Variants in PARD3B observed in about 807,000 individuals in gnomAD.
PARD3B encodes the protein par-3 family cell polarity regulator beta, also known as partitioning defective 3 homolog B.
A neutral mutation model predicts 130.2 loss-of-function variants in PARD3B; 103 were observed. The ratio of observed to expected loss-of-function variants is 0.79; its 90% confidence interval spans 0.67 to 0.93. PARD3B has a LOEUF of 0.93. Ranked by LOEUF, PARD3B falls within the 40% of genes least tolerant of loss-of-function variation. The pLI, the probability that PARD3B is intolerant of heterozygous loss-of-function variation, is 0.00. For missense variants in PARD3B, 1,609 were observed against 1,499.2 expected (o/e 1.07, Z -1.21); for synonymous variants, 583 against 553.2 (o/e 1.05, Z -0.76).
chr2:204,930,686 G>T (rs1351933368), intron 2 of PARD3B, among the ~76,000 whole-genome samples: 1 of 151,938 alleles, frequency 6.6e-6, no homozygotes, highest in Non-Finnish European at 1.5e-5. Context: ...TCTGCAACTT[G>T]TTTTGGGGCT....
chr2:205,063,659 G>A (rs1700188587), intron 4 of PARD3B, among the ~76,000 whole-genome samples: 1 of 152,084 alleles, frequency 6.6e-6, no homozygotes, highest in Admixed American at 6.6e-5. Context: ...CCCATGAGGT[G>A]GTCCCATTGA....
chr2:205,597,779 G>A (rs908251708), intron 22 of PARD3B, among the ~76,000 whole-genome samples: 1 of 152,180 alleles, frequency 6.6e-6, no homozygotes. Context: ...GCTAGTAGCG[G>A]ACTTTCAGCA....
intron 2 of PARD3B, among the ~76,000 whole-genome samples, chr2:204,924,994 C>T (rs559409661): frequency 6.0e-4 from 91 of 152,000 alleles, no homozygotes; most frequent in African/African-American, 2.2e-3. Context: ...TATGCATATA[C>T]ATGTATACAT....
intron 20 of PARD3B, among the ~76,000 whole-genome samples, chr2:205,496,310 G>A (rs2049923067): frequency 6.6e-6 from 1 of 152,022 alleles, no homozygotes; most frequent in South Asian, 2.1e-4. Context: ...ATCAGAAATT[G>A]GAATTTGCTG....
chr2:204,639,855 G>A (rs1259141007), intron 1 of PARD3B, among the ~76,000 whole-genome samples: 3 of 152,166 alleles, frequency 2.0e-5, no homozygotes, highest in Admixed American at 1.3e-4. Context: ...AAGGCTTGGT[G>A]ATGTATTCCC....
rs141670892 is a variant in PARD3B, at chr2:204,639,844, A to G, written c.121-46337A>G. Among the ~76,000 whole-genome samples, 463 of 152,302 alleles carry G rather than the reference A, an allele frequency of 3.0e-3. 2 individuals are homozygous for G. The highest frequency in any genetic ancestry group is 0.011 in the African/African-American group (447 of 41,566). On this transcript the variant is annotated intron_variant, in intron 1 of 22. Transcript: ENST00000406610. ...TATCAGATAAAGAAACCATTACTAGAAAGGCTTGGTGATGTATTCCCTGAG... is the reference window on the plus strand; with the variant it reads ...TATCAGATAAAGAAACCATTACTAGGAAGGCTTGGTGATGTATTCCCTGAG...
At chr2:205,451,391 A>G (rs1461652877) in intron 20 of PARD3B, among the ~76,000 whole-genome samples, 1 of 152,228 alleles carries the variant, frequency 6.6e-6, no homozygotes, top group African/African-American at 2.4e-5. Flanking sequence ...TCAACTTTCC[A>G]GTAAACAAAG....
intron 2 of PARD3B, among the ~76,000 whole-genome samples, chr2:204,859,923 C>A (rs1363277715): frequency 6.6e-6 from 1 of 152,064 alleles, no homozygotes; most frequent in Non-Finnish European, 1.5e-5. Flanking sequence ...ACTTTAAAGT[C>A]AAGAATTTTA....
At chr2:205,537,321 A>C (rs2051907537) in intron 21 of PARD3B, among the ~76,000 whole-genome samples, 1 of 152,230 alleles carries the variant, frequency 6.6e-6, no homozygotes, top group Admixed American at 6.5e-5. Flanking sequence ...CCAGAATTTC[A>C]ATTGCTTAGC....
At chr2:204,561,406 C>T (rs900061871) in intron 1 of PARD3B, among the ~76,000 whole-genome samples, 1 of 152,134 alleles carries the variant, frequency 6.6e-6, no homozygotes, top group Non-Finnish European at 1.5e-5. Context: ...CCAGTCCCCT[C>T]TGTGACCCAG....
At chr2:205,531,362 C>T (rs567690376) in intron 21 of PARD3B, among the ~76,000 whole-genome samples, 1 of 152,246 alleles carries the variant, frequency 6.6e-6, no homozygotes, top group African/African-American at 2.4e-5. Flanking sequence ...TGATAGCCTG[C>T]AAGATCAGAG....
At chr2:204,589,774 A>G (rs1161097783) in intron 1 of PARD3B, among the ~76,000 whole-genome samples, 1 of 152,234 alleles carries the variant, frequency 6.6e-6, no homozygotes, top group Non-Finnish European at 1.5e-5. Context: ...TGCCATTGAC[A>G]AAATTAGGGG....
chr2:204,920,123 C>T (rs1471639425), intron 2 of PARD3B, among the ~76,000 whole-genome samples: 1 of 152,100 alleles, frequency 6.6e-6, no homozygotes, highest in East Asian at 1.9e-4. Flanking sequence ...GTATCTATTG[C>T]CCCCTTCAGT....
chr2:205,302,926 A>G (rs1228481537), intron 18 of PARD3B, among the ~76,000 whole-genome samples: 2 of 152,238 alleles, frequency 1.3e-5, no homozygotes, highest in Non-Finnish European at 2.9e-5. Context: ...ATGATTTCAT[A>G]TGCTATACAT....
At chr2:204,717,081 C>T (rs1163755815) in intron 2 of PARD3B, among the ~76,000 whole-genome samples, 1 of 152,122 alleles carries the variant, frequency 6.6e-6, no homozygotes, top group Non-Finnish European at 1.5e-5. Context: ...ATGGACTGTG[C>T]ACCTCATTCC....
At chr2:205,512,886 CTCTTT>C (rs1559164213) in intron 21 of PARD3B, among the ~76,000 whole-genome samples, 2 of 151,894 alleles carry the variant, frequency 1.3e-5, no homozygotes. Context: ...CTCCTTTTTT[CTCTTT>C]TGTTTTCCCA....
chr2:205,448,398 C>T (rs551329574), intron 20 of PARD3B, among the ~76,000 whole-genome samples: 1 of 152,242 alleles, frequency 6.6e-6, no homozygotes, highest in East Asian at 1.9e-4. Flanking sequence ...CACTTTTTAA[C>T]TAAATGTTTG....
At chr2:204,634,888 G>C (rs570553075) in intron 1 of PARD3B, among the ~76,000 whole-genome samples, 4 of 152,092 alleles carry the variant, frequency 2.6e-5, no homozygotes, top group Non-Finnish European at 5.9e-5. Context: ...AGCTAGAATA[G>C]TTTTATAAAG....
intron 2 of PARD3B, among the ~76,000 whole-genome samples, chr2:204,842,641 G>A (rs2044299536): frequency 6.6e-6 from 1 of 152,130 alleles, no homozygotes; most frequent in Non-Finnish European, 1.5e-5. Context: ...AAGGAGAGTG[G>A]TTTCTGTAAC....
Sources: gnomAD v4.1 joint callset for allele counts (sites outside exome capture counted in the v4.1 genomes callset) on GRCh38, gnomAD v4.1.1 for gene constraint, MANE v1.5 for transcripts, NCBI Gene and HGNC (gene_info 2026-07-23, HGNC 2026-07-21) for gene names.